Variants in SLIT3 observed in about 807,000 individuals in gnomAD.
The protein encoded by SLIT3 is slit homolog 3 protein.
SLIT3 carries 68 observed loss-of-function variants against 184.0 expected under a neutral mutation model. That is an observed-to-expected ratio of 0.37 (90% CI 0.30 to 0.45). SLIT3 has a LOEUF of 0.45. Among genes scored for constraint, SLIT3 ranks in the 20% least tolerant of loss-of-function variants. The probability of loss-of-function intolerance (pLI) is 1.00; values close to 1 mark genes in which losing one functional copy is unlikely to be tolerated. For missense variants in SLIT3, 1,707 were observed against 2,026.0 expected (o/e 0.84, Z 3.02); for synonymous variants, 831 against 828.6 (o/e 1.00, Z -0.05).
chr5:168,731,867 G>C (rs11743244), intron 20 of SLIT3, among the ~76,000 whole-genome samples: 30,166 of 151,876 alleles, frequency 0.2, 3,510 homozygotes, highest in East Asian at 0.48. Flanking sequence ...AAAGTTGAAA[G>C]GATTCCCTCT....
intron 4 of SLIT3, among the ~76,000 whole-genome samples, chr5:168,996,701 T>C (rs948800390): frequency 1.3e-5 from 2 of 152,234 alleles, no homozygotes; most frequent in Non-Finnish European, 2.9e-5. Context: ...CATGGTCATG[T>C]CCCTCTGGGC....
chr5:168,710,190 C>CT (rs1661147474), intron 25 of SLIT3: 1 of 152,108 alleles, frequency 6.6e-6, no homozygotes, highest in South Asian at 2.1e-4. Flanking sequence ...TCAGATGGAC[C>CT]TGGAAGCCTG....
intron 28 of SLIT3, among the ~76,000 whole-genome samples, chr5:168,694,641 CAG>C (rs1241046738): frequency 6.6e-6 from 1 of 151,968 alleles, no homozygotes; most frequent in East Asian, 1.9e-4. Context: ...TTTTTTGAGA[CAG>C]AGTTTTGTTC....
intron 16 of SLIT3, among the ~76,000 whole-genome samples, chr5:168,757,608 T>C (rs896423312): frequency 1.3e-5 from 2 of 152,188 alleles, no homozygotes; most frequent in African/African-American, 4.8e-5. Context: ...TAATTTTTTT[T>C]GTATTTTTAG....
intron 9 of SLIT3, among the ~76,000 whole-genome samples, chr5:168,805,038 C>T (rs866071571): frequency 6.6e-5 from 10 of 152,316 alleles, no homozygotes; most frequent in Non-Finnish European, 1.0e-4. Flanking sequence ...ATGTCCTTTT[C>T]TTATTTTATT....
At chr5:169,010,343 C>G (rs1200246345) in intron 4 of SLIT3, among the ~76,000 whole-genome samples, 1 of 152,080 alleles carries the variant, frequency 6.6e-6, no homozygotes, top group Non-Finnish European at 1.5e-5. Context: ...TTGCCCAAGT[C>G]CCTAGAACTA....
At chr5:168,890,559 G>T (rs186179823) in intron 4 of SLIT3, among the ~76,000 whole-genome samples, 17 of 152,300 alleles carry the variant, frequency 1.1e-4, no homozygotes, top group African/African-American at 3.4e-4. Flanking sequence ...AATTTAAAGT[G>T]AGAATAGAAT....
chr5:168,823,241 GCACAGACTTCTTA>G lies in SLIT3; in HGVS notation c.629+6_629+18del, dbSNP rs1233687811. The G allele has an allele frequency of 2.0e-5, 32 of 1,604,192 alleles. No homozygotes were observed. Among genetic ancestry groups the G allele is most frequent in the Non-Finnish European group, 2.6e-5 (31 of 1,171,102 alleles). ...GAGGTAGGGAGAAAATGGGAGAGAT[GCACAGACTTCTTA>G]CTCACAGAGTTCGGATCTTCGGCAT... On this transcript the variant is annotated splice_donor_region_variant and intron_variant, in intron 7 of 35. Transcript: ENST00000519560.
intron 4 of SLIT3, among the ~76,000 whole-genome samples, chr5:168,984,228 C>A (rs1469670464): frequency 2.6e-5 from 4 of 152,110 alleles, no homozygotes; most frequent in Admixed American, 2.0e-4. Context: ...AAAAGCAAAT[C>A]TCAAGTAAAT....
In SLIT3 at chr5:168,806,607, C is replaced by T. The variant is rs377040939; in HGVS notation, c.794-20G>A. The T allele has an allele frequency of 4.4e-5, 71 of 1,613,638 alleles. No individual in the cohort carries two copies. The highest frequency in any genetic ancestry group is 3.7e-4 in the Admixed American group (22 of 59,998). ...GGGGGGCTGTGGAGCCAAGACACAA[C>T]GGTCAACTTATGTCAGTGTCAGGAG... On this transcript the variant is annotated intron_variant, in intron 8 of 35. Coordinates refer to ENST00000519560, the MANE Select transcript of SLIT3 (RefSeq NM_003062.4).
intron 4 of SLIT3, among the ~76,000 whole-genome samples, chr5:169,085,685 G>C (rs971970228): frequency 6.6e-6 from 1 of 152,212 alleles, no homozygotes; most frequent in Non-Finnish European, 1.5e-5. Flanking sequence ...CCCCAGCTCA[G>C]CAAGACAAAT....
intron 5 of SLIT3, among the ~76,000 whole-genome samples, chr5:168,867,758 G>A (rs1309777163): frequency 1.3e-5 from 2 of 152,176 alleles, no homozygotes; most frequent in African/African-American, 2.4e-5. Flanking sequence ...CTTTTTCAAG[G>A]CCTTGGCAGG....
chr5:169,007,152 C>T (rs1755966268), intron 4 of SLIT3, among the ~76,000 whole-genome samples: 1 of 152,192 alleles, frequency 6.6e-6, no homozygotes, highest in African/African-American at 2.4e-5. Flanking sequence ...CTCTCTCCTG[C>T]CACCTTGTGA....
intron 4 of SLIT3, among the ~76,000 whole-genome samples, chr5:168,897,165 G>T (rs976737446): frequency 1.9e-4 from 29 of 152,204 alleles, no homozygotes; most frequent in African/African-American, 5.1e-4. Flanking sequence ...GGCATTGCAG[G>T]TCAACACTAA....
At position 168,666,229 on chromosome 5, in the gene SLIT3, C is replaced by T. The variant is rs981177387; in HGVS notation, c.*225G>A. 9.5e-6 allele frequency: 4 copies of T among 420,928 alleles called. No individual in the cohort carries two copies. Among genetic ancestry groups the T allele is most frequent in the African/African-American group, 8.1e-5 (4 of 49,658 alleles). The allele number at this position is 420,928 out of a possible 1,614,324, so 26.1% of individuals were successfully genotyped here. ...TAACTCACTATATGGTACATATACG[C>T]AGATGGTGTAATATATTTATATAAT... On this transcript the variant is annotated 3_prime_UTR_variant, in exon 36 of 36. Transcript: ENST00000519560.
Position 169,006,337 on chromosome 5 carries a change from T to C in SLIT3, c.414-123001A>G, listed in dbSNP as rs79581258. Reference sequence around the variant, plus strand: ...CCTAAGAGATGCGACAATGAGAGAGTTGGCAGATCTGGATTGTATTCTACT... The same window carrying C: ...CCTAAGAGATGCGACAATGAGAGAGCTGGCAGATCTGGATTGTATTCTACT... On this transcript the variant is annotated intron_variant, in intron 4 of 35. Transcript: ENST00000519560. Among the ~76,000 whole-genome samples the C allele has an allele frequency of 7.8e-3, 1,180 of 152,024 alleles. 21 individuals carry two copies. The highest frequency in any genetic ancestry group is 0.027 in the African/African-American group (1,116 of 41,446).
At chr5:169,067,622 T>C (rs1259640606) in intron 4 of SLIT3, among the ~76,000 whole-genome samples, 1 of 152,150 alleles carries the variant, frequency 6.6e-6, no homozygotes, top group Non-Finnish European at 1.5e-5. Context: ...TACTTGGGCA[T>C]CCTGACTTAT....
At chr5:169,293,933 C>A (rs1767427900) in intron 1 of SLIT3, among the ~76,000 whole-genome samples, 1 of 152,206 alleles carries the variant, frequency 6.6e-6, no homozygotes, top group African/African-American at 2.4e-5. Flanking sequence ...CCAACATGAG[C>A]ATCCAACCTT....
intron 14 of SLIT3, among the ~76,000 whole-genome samples, chr5:168,764,147 G>A (rs1755251284): frequency 6.6e-6 from 1 of 152,192 alleles, no homozygotes; most frequent in African/African-American, 2.4e-5. Flanking sequence ...AGAGCCTCAG[G>A]AGTGGTATGC....
Sources: allele counts gnomAD v4.1 joint callset (sites outside exome capture counted in the v4.1 genomes callset), GRCh38; gene constraint gnomAD v4.1.1; transcripts MANE v1.5; gene names NCBI Gene and HGNC (gene_info 2026-07-23, HGNC 2026-07-21).